Variants in PTPRQ observed in about 807,000 individuals in gnomAD.
The protein encoded by PTPRQ is protein tyrosine phosphatase receptor type Q.
A neutral mutation model predicts 246.0 loss-of-function variants in PTPRQ; 199 were observed. The ratio of observed to expected loss-of-function variants is 0.81; its 90% CI spans 0.72 to 0.91. The LOEUF is 0.91. Among genes scored for constraint, PTPRQ ranks in the 40% least tolerant of loss-of-function variants. The pLI, the probability that PTPRQ is intolerant of heterozygous loss-of-function variation, is 0.00. For synonymous variants in PTPRQ, 869 were observed against 853.2 expected, an observed-to-expected ratio of 1.02 and a Z score of -0.32; for missense variants, 2,624 against 2,528.4, an observed-to-expected ratio of 1.04 and a Z score of -0.81.
intron 25 of PTPRQ, among the ~76,000 whole-genome samples, chr12:80,563,206 G>A (rs1656648695): frequency 6.6e-6 from 1 of 152,146 alleles, no homozygotes; most frequent in Non-Finnish European, 1.5e-5. Context: ...CAGTCTGGAA[G>A]CTGGAAAGTC....
chr12:80,674,934 A>G (rs982804897), intron 43 of PTPRQ, among the ~76,000 whole-genome samples: 3 of 152,054 alleles, frequency 2.0e-5, no homozygotes, highest in Non-Finnish European at 2.9e-5. Flanking sequence ...AGTCTTGCCA[A>G]TTTTTTGTCA....
chr12:80,610,586 A>T lies in PTPRQ; in HGVS notation c.4879A>T (p.Lys1627Ter), dbSNP rs1898512607. The change falls in exon 28 of 45, where the codon AAG becomes TAG. Residue 1627 changes from lysine (K) to a stop codon, truncating the protein, a stop_gained. Coordinates refer to ENST00000644991, the MANE Select transcript of PTPRQ (RefSeq NM_001145026.2). LOFTEE classifies it high-confidence loss of function. ...GNISAAYVEG[K>*]SSAEMIVTTL... ...CATTAGTGCTGCATATGTAGAAGGG[A>T]AGTCAAGTGCTGAAATGATTGTTAC... The T allele has an allele frequency of 6.5e-7, 1 of 1,543,492 alleles. No individual in the cohort carries two copies. Among genetic ancestry groups the T allele is most frequent in the African/African-American group, 1.4e-5 (1 of 72,408 alleles).
intron 9 of PTPRQ, among the ~76,000 whole-genome samples, chr12:80,491,623 G>A (rs373591953): frequency 6.6e-6 from 1 of 151,958 alleles, no homozygotes; most frequent in African/African-American, 2.4e-5. Context: ...ATTGCATTTT[G>A]TAAATATTTG....
intron 24 of PTPRQ, 55 bp from the exon 25 acceptor site, chr12:80,549,410 T>G: frequency 6.8e-7 from 1 of 1,460,190 alleles, no homozygotes; most frequent in East Asian, 2.5e-5. Flanking sequence ...ATTCAATCAA[T>G]TATCTACTTA....
intron 28 of PTPRQ, among the ~76,000 whole-genome samples, chr12:80,613,215 T>C: frequency 6.6e-6 from 1 of 150,558 alleles, no homozygotes; most frequent in East Asian, 1.9e-4. Flanking sequence ...TGGGGAAAAC[T>C]GGGAGAAAGT....
rs11114516 is a variant in PTPRQ at position 80,583,112 on chromosome 12, G to A, written c.4286-5017G>A. On this transcript the variant is annotated intron_variant, in intron 25 of 44. Coordinates refer to ENST00000644991, the MANE Select transcript of PTPRQ (RefSeq NM_001145026.2). Reference sequence around the variant, plus strand: ...CATCCTGATATTTTTTATCTGTGAAGCTTCTTCTTATCCTTCAGGTCTCTA... The same window carrying A: ...CATCCTGATATTTTTTATCTGTGAAACTTCTTCTTATCCTTCAGGTCTCTA... Among the ~76,000 whole-genome samples the A allele has an allele frequency of 2.4e-3, 363 of 152,212 alleles. 3 individuals are homozygous for A. Among genetic ancestry groups the A allele is most frequent in the African/African-American group, 8.3e-3 (344 of 41,530 alleles).
At chr12:80,491,234 G>A (rs1894439933) in intron 9 of PTPRQ, among the ~76,000 whole-genome samples, 1 of 151,842 alleles carries the variant, frequency 6.6e-6, no homozygotes, top group Non-Finnish European at 1.5e-5. Context: ...CATAGTTGAG[G>A]GGGAAATTCT....
In PTPRQ at chr12:80,538,142, G is replaced by C. The variant is rs555563332; in HGVS notation, c.2986-1634G>C. Reference sequence around the variant, plus strand: ...AAAAAGTGTTAAATGAATATTAGTTGGTTGGTCAAATTTGAAAAAGTTTTA... The same window carrying C: ...AAAAAGTGTTAAATGAATATTAGTTCGTTGGTCAAATTTGAAAAAGTTTTA... On this transcript the variant is annotated intron_variant, in intron 19 of 44. Coordinates refer to ENST00000644991, the MANE Select transcript of PTPRQ (RefSeq NM_001145026.2). Among the ~76,000 whole-genome samples, 135 of 151,962 alleles carry C rather than the reference G, an allele frequency of 8.9e-4. 2 individuals carry two copies. The highest frequency in any genetic ancestry group is 3.1e-3 in the African/African-American group (129 of 41,454).
chr12:80,673,138 A>G, intron 42 of PTPRQ, 31 bp from the exon 43 acceptor site: 1 of 1,548,020 alleles, frequency 6.5e-7, no homozygotes, highest in Non-Finnish European at 8.7e-7. Flanking sequence ...CCTTTGCTGA[A>G]TAATTTTCAT....
At chr12:80,645,266 T>G (rs1900031412) in intron 35 of PTPRQ, among the ~76,000 whole-genome samples, 1 of 152,100 alleles carries the variant, frequency 6.6e-6, no homozygotes, top group Non-Finnish European at 1.5e-5. Flanking sequence ...ATTTATAACG[T>G]TAGGTTATCT....
At position 80,630,873 on chromosome 12, in the gene PTPRQ, C is replaced by T. The variant is rs552124714; in HGVS notation, c.5687-1319C>T. Among the ~76,000 whole-genome samples, 310 of 152,100 alleles carry T rather than the reference C, an allele frequency of 2.0e-3. 1 individual carries two copies. The highest frequency in any genetic ancestry group is 6.4e-3 in the African/African-American group (266 of 41,492). ...CTGGGATTACAGGCGCCTGCCACCACGCCCAGCTAATTTTTGTATTTTTAG... is the reference window on the plus strand; with the variant it reads ...CTGGGATTACAGGCGCCTGCCACCATGCCCAGCTAATTTTTGTATTTTTAG... On this transcript the variant is annotated intron_variant, in intron 33 of 44. Transcript: ENST00000644991.
At chr12:80,492,844 A>T (rs1894490031) in intron 9 of PTPRQ, among the ~76,000 whole-genome samples, 1 of 151,984 alleles carries the variant, frequency 6.6e-6, no homozygotes, top group Non-Finnish European at 1.5e-5. Context: ...AGGCATATAG[A>T]CCTCTCATGT....
chr12:80,613,428 C>G (rs1454520775), intron 28 of PTPRQ, among the ~76,000 whole-genome samples, 164 bp from the exon 29 acceptor site: 1 of 150,626 alleles, frequency 6.6e-6, no homozygotes, highest in Non-Finnish European at 1.5e-5. Context: ...TTACAGATGT[C>G]AATGATTCTA....
chr12:80,597,044 G>C (rs769918914), intron 26 of PTPRQ, among the ~76,000 whole-genome samples: 1 of 151,936 alleles, frequency 6.6e-6, no homozygotes, highest in Non-Finnish European at 1.5e-5. Flanking sequence ...TGGTAGAAAA[G>C]TACCAAGAGA....
intron 25 of PTPRQ, among the ~76,000 whole-genome samples, chr12:80,554,990 T>C (rs552758449): frequency 6.6e-6 from 1 of 152,242 alleles, no homozygotes; most frequent in East Asian, 1.9e-4. Context: ...CTTGACTCAC[T>C]GCAGCCTCCA....
intron 3 of PTPRQ, among the ~76,000 whole-genome samples, chr12:80,449,096 G>A (rs1256696153): frequency 3.3e-5 from 5 of 151,482 alleles, no homozygotes; most frequent in African/African-American, 7.3e-5. Flanking sequence ...ATCTCATTGT[G>A]GTTTTGATTT....
chr12:80,640,970 C>T (rs2121195937), intron 35 of PTPRQ, among the ~76,000 whole-genome samples: 1 of 152,286 alleles, frequency 6.6e-6, no homozygotes, highest in African/African-American at 2.4e-5. Context: ...AAGAGTTGAG[C>T]TCTACATCTG....
intron 25 of PTPRQ, among the ~76,000 whole-genome samples, chr12:80,568,741 A>T (rs541166442): frequency 2.4e-4 from 37 of 152,184 alleles, no homozygotes; most frequent in Non-Finnish European, 4.7e-4. Flanking sequence ...ATAACTACAC[A>T]ATTTTCTCCC....
chr12:80,513,094 C>T (rs1233869566), intron 17 of PTPRQ, among the ~76,000 whole-genome samples: 1 of 152,008 alleles, frequency 6.6e-6, no homozygotes, highest in Non-Finnish European at 1.5e-5. Flanking sequence ...TTTAGCCATC[C>T]GTAGGGGGCT....
Sources: allele counts gnomAD v4.1 joint callset (sites outside exome capture counted in the v4.1 genomes callset), GRCh38; gene constraint gnomAD v4.1.1; transcripts MANE v1.5; gene names NCBI Gene and HGNC (gene_info 2026-07-23, HGNC 2026-07-21).